The following KBTBD12 variants were observed in gnomAD, a reference collection of about 807,000 sequenced individuals.
The protein encoded by KBTBD12 is kelch repeat and BTB domain containing 12.
KBTBD12 carries 53 observed loss-of-function variants against 58.7 expected under a neutral mutation model. That is an observed-to-expected ratio of 0.90 (90% CI 0.72 to 1.14). The LOEUF is 1.14. Ranked by LOEUF, KBTBD12 falls within the 50% of genes most tolerant of loss-of-function variation. The pLI is 0.00. For synonymous variants in KBTBD12, 236 were observed against 259.8 expected (o/e 0.91, Z 0.88); for missense variants, 704 against 751.3 (o/e 0.94, Z 0.74).
chr3:127,939,573 C>T (rs899370347), intron 4 of KBTBD12, among the ~76,000 whole-genome samples: 15 of 151,736 alleles, frequency 9.9e-5, no homozygotes, highest in Admixed American at 7.2e-4. Flanking sequence ...GAAATAAGTA[C>T]GTATTTTGTA....
At chr3:127,957,083 AG>A (rs1033994365) in intron 4 of KBTBD12, among the ~76,000 whole-genome samples, 21 of 152,194 alleles carry the variant, frequency 1.4e-4, no homozygotes, top group Non-Finnish European at 1.3e-4. Flanking sequence ...TGTCATTTGG[AG>A]TAATATGTAC....
In KBTBD12 at chr3:127,950,861, G is replaced by T. The variant is rs140142732; in HGVS notation, c.1493-12328G>T. 6.8e-3 allele frequency among the ~76,000 whole-genome samples: 1,029 copies of T among 152,134 alleles called. 5 individuals carry two copies. Among genetic ancestry groups the T allele is most frequent in the South Asian group, 0.016 (79 of 4,808 alleles). On this transcript the variant is annotated intron_variant, in intron 4 of 5. Coordinates refer to ENST00000405109, the MANE Select transcript of KBTBD12 (RefSeq NM_207335.4). ...AGCCTGGCCAGCATGGTGAAACCCT[G>T]TCTCTACTAAAAATACAAAAAGCCA...
At chr3:127,956,099 C>A (rs9828160) in intron 4 of KBTBD12, among the ~76,000 whole-genome samples, 51,264 of 152,076 alleles carry the variant, frequency 0.34, 8,790 homozygotes, top group Non-Finnish European at 0.36. Flanking sequence ...TTTAGAGATT[C>A]AGTAGCTCTG....
intron 2 of KBTBD12, 34 bp from the exon 3 acceptor site, chr3:127,927,730 C>A: frequency 1.4e-6 from 2 of 1,417,130 alleles, no homozygotes; most frequent in Non-Finnish European, 1.9e-6. Flanking sequence ...TTCATGTTAC[C>A]TCTAATCCTG....
chr3:127,960,967 T>C (rs1940427324), intron 4 of KBTBD12, among the ~76,000 whole-genome samples: 1 of 152,214 alleles, frequency 6.6e-6, no homozygotes, highest in South Asian at 2.1e-4. Flanking sequence ...TAATGGGCTT[T>C]TATGTGAAAT....
At chr3:127,983,979 G>A (rs558516916) in intron 5 of KBTBD12, 118 bp from the exon 6 acceptor site, 2 of 755,892 alleles carry the variant, frequency 2.6e-6, no homozygotes, top group Admixed American at 4.6e-5. Context: ...TCTGTTAACA[G>A]TAACAGCAAG....
chr3:127,939,564 A>C (rs1939905066), intron 4 of KBTBD12, among the ~76,000 whole-genome samples: 1 of 152,206 alleles, frequency 6.6e-6, no homozygotes, highest in Admixed American at 6.5e-5. Flanking sequence ...GTAGACTATG[A>C]AATAAGTACG....
chr3:127,954,417 G>A (rs762804013), intron 4 of KBTBD12, among the ~76,000 whole-genome samples: 5 of 152,148 alleles, frequency 3.3e-5, no homozygotes, highest in Non-Finnish European at 4.4e-5. Context: ...GAATGCTTCT[G>A]TTATAAAATA....
At chr3:127,936,453 TAGACTGAGTATC>T (rs1199829185) in intron 4 of KBTBD12, among the ~76,000 whole-genome samples, 6 of 152,170 alleles carry the variant, frequency 3.9e-5, no homozygotes, top group African/African-American at 1.4e-4. Flanking sequence ...TTGATAGGAT[TAGACTGAGTATC>T]AGCAAGGTTT....
intron 4 of KBTBD12, among the ~76,000 whole-genome samples, chr3:127,934,224 T>C (rs916673113): frequency 2.0e-5 from 3 of 152,146 alleles, no homozygotes; most frequent in African/African-American, 7.2e-5. Context: ...AATATGACCA[T>C]GAGTCCACTT....
chr3:127,949,842 G>A (rs969810028), intron 4 of KBTBD12, among the ~76,000 whole-genome samples: 5 of 152,202 alleles, frequency 3.3e-5, no homozygotes, highest in Non-Finnish European at 7.3e-5. Flanking sequence ...GTGTAAGCCA[G>A]GTGGTGAGCC....
chr3:127,927,752 T>A lies in KBTBD12; in HGVS notation c.1071-12T>A. 1 of 1,470,246 alleles carries A rather than the reference T, an allele frequency of 6.8e-7. No individual in the cohort carries two copies. Among genetic ancestry groups the A allele is most frequent in the Non-Finnish European group, 9.0e-7 (1 of 1,106,236 alleles). The allele number at this position is 1,470,246 out of a possible 1,614,324, so 91.1% of individuals were successfully genotyped here. A position where few individuals can be genotyped will look rare whatever the true frequency, so the allele number is the denominator to read the frequency against. On this transcript the variant is annotated splice_polypyrimidine_tract_variant and intron_variant, in intron 2 of 5. Transcript: ENST00000405109. Reference sequence around the variant, plus strand: ...TACCTCTAATCCTGGATACTCTCTCTCTCTTTTGCAGGTATCATGATAGAG... The same window carrying A: ...TACCTCTAATCCTGGATACTCTCTCACTCTTTTGCAGGTATCATGATAGAG...
At chr3:127,963,750 A>G (rs1345531322) in intron 5 of KBTBD12, 5 of 169,374 alleles carry the variant, frequency 3.0e-5, no homozygotes, top group Non-Finnish European at 6.3e-5. Context: ...GACACTCACT[A>G]TATAGTAGTT....
chr3:127,984,340 C>T lies in KBTBD12; in HGVS notation c.*62C>T, dbSNP rs1010777509. On this transcript the variant is annotated 3_prime_UTR_variant, in exon 6 of 6. Coordinates refer to ENST00000405109, the MANE Select transcript of KBTBD12 (RefSeq NM_207335.4). ...ACAAGGCCTTCAGAACGGAGAGGGC[C>T]CACAGCATCTCTGTCATGCCAGTCA... 1.4e-6 allele frequency: 2 copies of T among 1,438,646 alleles called. No homozygotes were observed. The highest frequency in any genetic ancestry group is 1.4e-5 in the African/African-American group (1 of 71,272). The allele number at this position is 1,438,646 out of a possible 1,614,324, so 89.1% of individuals were successfully genotyped here.
intron 5 of KBTBD12, among the ~76,000 whole-genome samples, chr3:127,983,743 C>A (rs1278535556): frequency 7.0e-6 from 1 of 143,574 alleles, no homozygotes. Context: ...CAGAGCAAGA[C>A]TCCGTCTCAA....
At chr3:127,946,935 A>G (rs751012385) in intron 4 of KBTBD12, among the ~76,000 whole-genome samples, 5 of 151,988 alleles carry the variant, frequency 3.3e-5, no homozygotes, top group Admixed American at 1.3e-4. Context: ...TCTTCTTTTC[A>G]GATACTATAT....
intron 4 of KBTBD12, among the ~76,000 whole-genome samples, chr3:127,946,499 A>C (rs1373152305): frequency 6.6e-6 from 1 of 152,204 alleles, no homozygotes; most frequent in Non-Finnish European, 1.5e-5. Context: ...TGTCAGTCTC[A>C]TAGTGGTTCC....
chr3:127,920,788 G>A (rs1388850454), intron 1 of KBTBD12, among the ~76,000 whole-genome samples: 1 of 151,878 alleles, frequency 6.6e-6, no homozygotes, highest in Non-Finnish European at 1.5e-5. Flanking sequence ...AGTAATTAGA[G>A]TTTATTCTTG....
chr3:127,918,797 G>A (rs1165163884), intron 1 of KBTBD12, among the ~76,000 whole-genome samples: 1 of 152,136 alleles, frequency 6.6e-6, no homozygotes, highest in Non-Finnish European at 1.5e-5. Flanking sequence ...ACTACTCAAA[G>A]ATTGAAAAAT....
Sources: allele counts gnomAD v4.1 joint callset (sites outside exome capture counted in the v4.1 genomes callset), GRCh38; gene constraint gnomAD v4.1.1; transcripts MANE v1.5; gene names NCBI Gene and HGNC (gene_info 2026-07-23, HGNC 2026-07-21).